Variants in PITPNM2 observed in about 807,000 individuals in gnomAD.
PITPNM2 encodes the protein phosphatidylinositol transfer protein membrane associated 2, also known as membrane-associated phosphatidylinositol transfer protein 2.
In PITPNM2, 35 loss-of-function variants were observed where a neutral mutation model predicts 132.2. The observed-to-expected ratio is 0.26, with a 90% CI of 0.20 to 0.35. PITPNM2 has a LOEUF of 0.35. Ranked by LOEUF, PITPNM2 falls within the 10% of genes least tolerant of loss-of-function variation. The pLI is 1.00. For missense variants in PITPNM2, 1,332 were observed against 1,912.0 expected (o/e 0.70, Z 5.66); for synonymous variants, 738 against 799.2 (o/e 0.92, Z 1.29).
At chr12:123,063,509 G>T (rs1263876005) in intron 2 of PITPNM2, among the ~76,000 whole-genome samples, 1 of 152,168 alleles carries the variant, frequency 6.6e-6, no homozygotes, top group South Asian at 2.1e-4. Context: ...ATTTAAAAGA[G>T]GGGGCTAAAA....
intron 1 of PITPNM2, among the ~76,000 whole-genome samples, chr12:123,124,633 C>T (rs1291609902): frequency 6.6e-6 from 1 of 152,176 alleles, no homozygotes; most frequent in East Asian, 1.9e-4. Context: ...AGGTTTGTTA[C>T]ATATGTATAC....
chr12:123,030,757 G>T (rs1235332116), intron 3 of PITPNM2, among the ~76,000 whole-genome samples: 6 of 152,008 alleles, frequency 3.9e-5, no homozygotes, highest in Non-Finnish European at 7.4e-5. Flanking sequence ...ATCAATGGAT[G>T]AATGGATAAG....
At chr12:123,046,886 A>T (rs2040677968) in intron 2 of PITPNM2, among the ~76,000 whole-genome samples, 1 of 152,212 alleles carries the variant, frequency 6.6e-6, no homozygotes. Context: ...TCAGTAAGTG[A>T]TGGAGTCAAG....
rs76014368 is a variant in PITPNM2, at chr12:123,028,972, C to T, written c.78+5541G>A. 4.6e-3 allele frequency among the ~76,000 whole-genome samples: 701 copies of T among 152,266 alleles called. 3 individuals carry two copies. The highest frequency in any genetic ancestry group is 7.0e-3 in the Non-Finnish European group (474 of 67,994). The stretch of plus-strand genomic sequence containing the variant: ...CAGGTAGTGCCTTGGGTCTCCAAGT[C>T]GGGGTGGCCTGAACCTCTCCCCTCC... On this transcript the variant is annotated intron_variant, in intron 3 of 25. Transcript: ENST00000320201.
chr12:123,075,138 G>C (rs750090784), intron 2 of PITPNM2, among the ~76,000 whole-genome samples: 21 of 149,020 alleles, frequency 1.4e-4, no homozygotes, highest in Non-Finnish European at 2.5e-4. Flanking sequence ...GGGAGGCTGT[G>C]TGTGTGTATC....
At chr12:123,070,362 G>A (rs1370428129) in intron 2 of PITPNM2, among the ~76,000 whole-genome samples, 1 of 152,196 alleles carries the variant, frequency 6.6e-6, no homozygotes, top group Non-Finnish European at 1.5e-5. Flanking sequence ...AGGGGTTTGA[G>A]CTGGACCGTA....
chr12:123,051,022 T>C (rs1208664149), intron 2 of PITPNM2, among the ~76,000 whole-genome samples: 2 of 152,222 alleles, frequency 1.3e-5, no homozygotes, highest in African/African-American at 4.8e-5. Flanking sequence ...CATTCTCATG[T>C]ACTACAATAT....
chr12:123,062,750 A>G (rs977475668), intron 2 of PITPNM2, among the ~76,000 whole-genome samples: 1 of 152,208 alleles, frequency 6.6e-6, no homozygotes, highest in Non-Finnish European at 1.5e-5. Context: ...TTGCTGCCAA[A>G]TGAGTTACAA....
intron 18 of PITPNM2, 125 bp from the exon 19 acceptor site, chr12:122,988,997 A>G: frequency 1.8e-6 from 2 of 1,128,566 alleles, no homozygotes; most frequent in Non-Finnish European, 1.2e-6. Flanking sequence ...GCCAAAAGTG[A>G]GTCTTCTCCC....
chr12:123,115,686 A>G (rs1209397474), intron 1 of PITPNM2, among the ~76,000 whole-genome samples: 2 of 152,198 alleles, frequency 1.3e-5, no homozygotes, highest in Non-Finnish European at 2.9e-5. Flanking sequence ...ATAAAAAGTT[A>G]AATTTAGCTA....
At chr12:123,087,524 A>G (rs2042146282) in intron 2 of PITPNM2, 1 of 152,092 alleles carries the variant, frequency 6.6e-6, no homozygotes, top group Non-Finnish European at 1.5e-5. Context: ...GGCATGAGCC[A>G]CCGTACCTAG....
At chr12:123,063,085 C>T (rs1461856493) in intron 2 of PITPNM2, among the ~76,000 whole-genome samples, 1 of 152,270 alleles carries the variant, frequency 6.6e-6, no homozygotes, top group Non-Finnish European at 1.5e-5. Context: ...CAGAGCCCAG[C>T]TCTGCTGACG....
upstream of PITPNM2, among the ~76,000 whole-genome samples, chr12:123,151,134 G>A (rs1284511864): frequency 6.8e-6 from 1 of 146,382 alleles, no homozygotes; most frequent in Admixed American, 6.8e-5. Flanking sequence ...CAGTGGCGGC[G>A]GCGCCTCCTC....
intron 1 of PITPNM2, among the ~76,000 whole-genome samples, chr12:123,122,469 A>T (rs539859814): frequency 6.6e-6 from 1 of 152,300 alleles, no homozygotes; most frequent in African/African-American, 2.4e-5. Flanking sequence ...CTCCAAAAAA[A>T]AGAAGAAAGA....
chr12:123,133,654 T>G (rs966200976), intron 1 of PITPNM2, among the ~76,000 whole-genome samples: 1 of 152,164 alleles, frequency 6.6e-6, no homozygotes, highest in African/African-American at 2.4e-5. Flanking sequence ...CTAGAATACT[T>G]TTCCCTTCAA....
At chr12:123,044,239 C>G (rs1452310381) in intron 2 of PITPNM2, among the ~76,000 whole-genome samples, 4 of 152,324 alleles carry the variant, frequency 2.6e-5, no homozygotes, top group African/African-American at 9.6e-5. Flanking sequence ...CTCCTGGTCA[C>G]CTCCCTGAGG....
chr12:123,078,671 A>G lies in PITPNM2; in HGVS notation c.-96+31714T>C, dbSNP rs1242204140. ...ACCTATGGAAGGGCTCCGATGGCCCAGTGCCACCCATGTGGGAAGCAGAGG... is the reference window on the plus strand; with the variant it reads ...ACCTATGGAAGGGCTCCGATGGCCCGGTGCCACCCATGTGGGAAGCAGAGG... On this transcript the variant is annotated intron_variant, in intron 2 of 25. Coordinates refer to ENST00000320201, the MANE Select transcript of PITPNM2 (RefSeq NM_020845.3). This position sits in a 1 kb window ranked among gnomAD's most constrained non-coding sequence, Gnocchi z 7.3. Among the ~76,000 whole-genome samples, 2 of 152,230 alleles carry G rather than the reference A, an allele frequency of 1.3e-5. No homozygotes were observed. The highest frequency in any genetic ancestry group is 2.9e-5 in the Non-Finnish European group (2 of 68,032).
chr12:123,091,489 C>G (rs1324842920), intron 2 of PITPNM2: 1 of 152,184 alleles, frequency 6.6e-6, no homozygotes. Context: ...GGATGGTTCT[C>G]AAGGACGGTT....
intron 1 of PITPNM2, among the ~76,000 whole-genome samples, chr12:123,138,139 C>T (rs12371718): frequency 0.02 from 3,087 of 152,122 alleles, 39 homozygotes; most frequent in Non-Finnish European, 0.031. Context: ...TACAATGAAC[C>T]ATTAGTCAGT....
Sources: allele counts gnomAD v4.1 joint callset (sites outside exome capture counted in the v4.1 genomes callset), GRCh38; gene constraint gnomAD v4.1.1; non-coding constraint Gnocchi (gnomAD v3.1); transcripts MANE v1.5; gene names NCBI Gene and HGNC (gene_info 2026-07-23, HGNC 2026-07-21).